The following C1RL variants were observed in gnomAD, a reference collection of about 807,000 sequenced individuals.
C1RL encodes complement C1r subcomponent like.
C1RL carries 27 observed loss-of-function variants against 27.9 expected under a neutral mutation model. That is an observed-to-expected ratio of 0.97 (90% confidence interval 0.71 to 1.33). The LOEUF is 1.33. C1RL is among the 40% of genes most tolerant of loss of function. C1RL has a pLI of 0.00. For missense variants in C1RL, 563 were observed against 623.9 expected (o/e 0.90, Z 1.04); for synonymous variants, 248 against 252.1 (o/e 0.98, Z 0.15).
intron 5 of C1RL, 198 bp downstream of exon 5, chr12:7,099,488 A>C (rs1938548653): frequency 1.0e-6 from 1 of 981,956 alleles, no homozygotes; most frequent in Admixed American, 6.2e-5. Context: ...TTCCTCAGAT[A>C]TATCTTGACC....
intron 2 of C1RL, among the ~76,000 whole-genome samples, chr12:7,102,656 TG>T (rs1421181112): frequency 6.6e-6 from 1 of 152,218 alleles, no homozygotes; most frequent in Non-Finnish European, 1.5e-5. Context: ...TGCCTTTTCC[TG>T]CTTTCCTTCT....
At chr12:7,106,812 A>G (rs1461238578) in intron 2 of C1RL, among the ~76,000 whole-genome samples, 3 of 152,252 alleles carry the variant, frequency 2.0e-5, no homozygotes, top group African/African-American at 7.2e-5. Context: ...GAAAAGAAAT[A>G]TAATTATTTT....
At chr12:7,097,877 C>A (rs1938498515) in intron 5 of C1RL, among the ~76,000 whole-genome samples, 1 of 152,184 alleles carries the variant, frequency 6.6e-6, no homozygotes, top group African/African-American at 2.4e-5. Flanking sequence ...TCATTTGTAA[C>A]ATCTCCCACT....
rs1444038893 is a variant in C1RL, at chr12:7,094,723, C to T, written c.*1668G>A. The T allele has an allele frequency of 1.3e-5, 13 of 981,034 alleles. No homozygotes were observed. The East Asian group carries it at 3.4e-4, about 26-fold the overall frequency. The allele number at this position is 981,034 out of a possible 1,614,324, so 60.8% of individuals were successfully genotyped here. A position where few individuals can be genotyped will look rare whatever the true frequency, so the allele number is the denominator to read the frequency against. On this transcript the variant is annotated 3_prime_UTR_variant, in exon 6 of 6. Coordinates refer to ENST00000266542, the MANE Select transcript of C1RL (RefSeq NM_016546.4). ...GCCAAAATCTTATCAATAAAACCACCTCTGTTTAGTATTTTGAGAGAATTA... is the reference window on the plus strand; with the variant it reads ...GCCAAAATCTTATCAATAAAACCACTTCTGTTTAGTATTTTGAGAGAATTA...
chr12:7,097,256 C>A, intron 5 of C1RL, 93 bp from the exon 6 acceptor site: 1 of 1,122,132 alleles, frequency 8.9e-7, no homozygotes, highest in Non-Finnish European at 1.2e-6. Flanking sequence ...TGGTAGGGGA[C>A]GCGTGAAGAG....
At position 7,106,105 on chromosome 12, in the gene C1RL, G is replaced by A. The variant is rs76691400; in HGVS notation, c.300+2146C>T. Among the ~76,000 whole-genome samples, 172 of 152,270 alleles carry A rather than the reference G, an allele frequency of 1.1e-3. 4 individuals are homozygous for A. In the East Asian group the frequency reaches 0.02, roughly 18 times the overall value. On this transcript the variant is annotated intron_variant, in intron 2 of 5. Transcript: ENST00000266542. Reference sequence around the variant, plus strand: ...ATCTGCACAATGAGTAAAAAACCACGTGTATCAAGAGACATCATAATGAAA... The same window carrying A: ...ATCTGCACAATGAGTAAAAAACCACATGTATCAAGAGACATCATAATGAAA...
chr12:7,105,595 T>G (rs1938745681), intron 2 of C1RL, among the ~76,000 whole-genome samples: 1 of 152,064 alleles, frequency 6.6e-6, no homozygotes, highest in South Asian at 2.1e-4. Context: ...CAGCCAAGTA[T>G]TATCAGATAT....
chr12:7,096,216 G>A lies in C1RL; in HGVS notation c.*175C>T. On this transcript the variant is annotated 3_prime_UTR_variant, in exon 6 of 6. Coordinates refer to ENST00000266542, the MANE Select transcript of C1RL (RefSeq NM_016546.4). ...TTCCTGTCTGGGATGGGGCGGGCTTGCCGGGTGGGGGTTTCTCTTGCAGTG... is the reference window on the plus strand; with the variant it reads ...TTCCTGTCTGGGATGGGGCGGGCTTACCGGGTGGGGGTTTCTCTTGCAGTG... The A allele has an allele frequency of 1.1e-5, 15 of 1,389,078 alleles. No homozygotes were observed. The highest frequency in any genetic ancestry group is 1.3e-5 in the Non-Finnish European group (14 of 1,075,882). The allele number at this position is 1,389,078 out of a possible 1,614,324, so 86.0% of individuals were successfully genotyped here. A position where few individuals can be genotyped will look rare whatever the true frequency, so the allele number is the denominator to read the frequency against.
chr12:7,096,422 C>T lies in C1RL; in HGVS notation c.1433G>A (p.Trp478Ter), dbSNP rs994376196. 1 of 1,612,576 alleles carries T rather than the reference C, an allele frequency of 6.2e-7. No homozygotes were observed. The highest frequency in any genetic ancestry group is 1.3e-5 in the African/African-American group (1 of 74,856). The change falls in exon 6 of 6, where the codon TGG (tryptophan) becomes TAG (stop). Residue 478 changes from tryptophan (W) to a stop codon, truncating the protein, a stop_gained. Transcript: ENST00000266542. LOFTEE classifies it high-confidence loss of function. ...CTTGCCATTCATCACTCCCTTGATCCAGTCCACATAGCTGAGCACCTTGGT... is the reference window on the plus strand; with the variant it reads ...CTTGCCATTCATCACTCCCTTGATCTAGTCCACATAGCTGAGCACCTTGGT... ...FYTKVLSYVD[W>*]IKGVMNGKN
chr12:7,102,078 C>A lies in C1RL; in HGVS notation c.310G>T (p.Val104Phe), dbSNP rs200941119. Reference sequence around the variant, plus strand: ...CAGAACTGGCTTGGATCCGAACCGACGAATGAGATCTGAAAGCGGGAGGAG... The same window carrying A: ...CAGAACTGGCTTGGATCCGAACCGAAGAATGAGATCTGAAAGCGGGAGGAG... ...CAGDSVTISFVGSDPSQFCGQ... is the reference protein window; with the variant it reads ...CAGDSVTISFFGSDPSQFCGQ... Residue 104 changes from valine (V) to phenylalanine (F), a missense_variant, in exon 3 of 6, where the codon GTC (valine) becomes TTC (phenylalanine). Coordinates refer to ENST00000266542, the MANE Select transcript of C1RL (RefSeq NM_016546.4). 6.2e-7 allele frequency: 1 copy of A among 1,602,724 alleles called. No individual in the cohort carries two copies. The highest frequency in any genetic ancestry group is 1.1e-5 in the South Asian group (1 of 90,882).
intron 2 of C1RL, among the ~76,000 whole-genome samples, chr12:7,105,549 T>C (rs1237145919): frequency 6.6e-6 from 1 of 152,144 alleles, no homozygotes; most frequent in African/African-American, 2.4e-5. Flanking sequence ...GGATTACAGA[T>C]GTGAGCCACT....
chr12:7,105,659 A>G (rs1938747734), intron 2 of C1RL, among the ~76,000 whole-genome samples: 2 of 152,250 alleles, frequency 1.3e-5, no homozygotes, highest in Admixed American at 1.3e-4. Flanking sequence ...AAACGGTAAA[A>G]AAGAACTTGG....
intron 1 of C1RL, 120 bp downstream of exon 1, chr12:7,108,990 G>T (rs763142165): frequency 0.23 from 18,254 of 78,498 alleles, 191 homozygotes; most frequent in Non-Finnish European, 0.26. Flanking sequence ...TGTGTGTGTG[G>T]GGGGGGGGGG....
Position 7,094,586 on chromosome 12 carries a change from G to A in C1RL, c.*1805C>T. ...ATATATATATTTTTTTGCCTTGGCA[G>A]GGAGAAACTCATATCATTTTTTGCA... On this transcript the variant is annotated 3_prime_UTR_variant, in exon 6 of 6. Transcript: ENST00000266542. 1 of 913,566 alleles carries A rather than the reference G, an allele frequency of 1.1e-6. No individual in the cohort carries two copies. The highest frequency in any genetic ancestry group is 1.3e-6 in the Non-Finnish European group (1 of 764,842). The allele number at this position is 913,566 out of a possible 1,614,324, so 56.6% of individuals were successfully genotyped here. A position where few individuals can be genotyped will look rare whatever the true frequency, so the allele number is the denominator to read the frequency against.
In C1RL at chr12:7,095,623, G is replaced by T. The variant is rs1465304677; in HGVS notation, c.*768C>A. 5.1e-6 allele frequency: 5 copies of T among 985,894 alleles called. No homozygotes were observed. Among genetic ancestry groups the T allele is most frequent in the Non-Finnish European group, 6.0e-6 (5 of 830,328 alleles). 61.1% of individuals were successfully genotyped at this position (985,894 alleles called of 1,614,324 possible). A position where few individuals can be genotyped will look rare whatever the true frequency, so the allele number is the denominator to read the frequency against. ...CAGGAATTCCCAGGGAGGGAAAATG[G>T]TAAGGATGTGGGGGCTGGGAGGGAA... On this transcript the variant is annotated 3_prime_UTR_variant, in exon 6 of 6. Coordinates refer to ENST00000266542, the MANE Select transcript of C1RL (RefSeq NM_016546.4).
chr12:7,102,049 A>G lies in C1RL; in HGVS notation c.339T>C (p.Gly113=), dbSNP rs938095759. Residue 113 remains glycine, a synonymous_variant, in exon 3 of 6, where the codon GGT becomes GGC. Transcript: ENST00000266542. ...GCCTGCCCAGAGGGGAGCCTTGCTGACCACAGAACTGGCTTGGATCCGAAC... is the reference window on the plus strand; with the variant it reads ...GCCTGCCCAGAGGGGAGCCTTGCTGGCCACAGAACTGGCTTGGATCCGAAC... The part of the protein sequence containing the change: ...FVGSDPSQFC[G]QQGSPLGRPP... The G allele has an allele frequency of 3.1e-6, 5 of 1,613,300 alleles. No individual in the cohort carries two copies. Among genetic ancestry groups the G allele is most frequent in the Non-Finnish European group, 4.2e-6 (5 of 1,179,302 alleles).
chr12:7,098,862 A>C (rs1938527969), intron 5 of C1RL, among the ~76,000 whole-genome samples: 1 of 152,118 alleles, frequency 6.6e-6, no homozygotes, highest in Non-Finnish European at 1.5e-5. Flanking sequence ...ATGGTTTCAC[A>C]ACATTGTGAA....
chr12:7,105,315 G>A (rs148184961), intron 2 of C1RL, among the ~76,000 whole-genome samples: 21 of 151,756 alleles, frequency 1.4e-4, no homozygotes, highest in Admixed American at 1.1e-3. Context: ...CACCCCACAG[G>A]CTGTAGTGCA....
chr12:7,102,897 C>G (rs1263242523), intron 2 of C1RL, among the ~76,000 whole-genome samples: 1 of 152,186 alleles, frequency 6.6e-6, no homozygotes, highest in African/African-American at 2.4e-5. Context: ...CATCTCTGTT[C>G]CAGGCACACA....
Sources: gnomAD v4.1 joint callset for allele counts (sites outside exome capture counted in the v4.1 genomes callset) on GRCh38, gnomAD v4.1.1 for gene constraint, MANE v1.5 for transcripts, NCBI Gene and HGNC (gene_info 2026-07-23, HGNC 2026-07-21) for gene names.